DENND1A: variants seen among roughly 807,000 people sequenced by gnomAD.
DENND1A encodes the protein DENN domain-containing protein 1A.
A neutral mutation model predicts 113.7 loss-of-function variants in DENND1A; 51 were observed. The ratio of observed to expected loss-of-function variants is 0.45; its 90% CI spans 0.36 to 0.57. The LOEUF (loss-of-function observed/expected upper bound fraction) is 0.57. DENND1A is among the 20% of genes least tolerant of loss of function. The pLI, the probability that DENND1A is intolerant of heterozygous loss-of-function variation, is 0.00. For synonymous variants in DENND1A, 565 were observed against 570.8 expected (o/e 0.99, Z 0.14); for missense variants, 1,258 against 1,395.9 (o/e 0.90, Z 1.57).
In DENND1A at chr9:123,383,894, G is replaced by T. The variant is rs1379807215; in HGVS notation, c.1780C>A (p.Leu594Ile). 1 of 1,611,658 alleles carries T rather than the reference G, an allele frequency of 6.2e-7. No homozygotes were observed. Among genetic ancestry groups the T allele is most frequent in the East Asian group, 2.2e-5 (1 of 44,870 alleles). Residue 594 changes from leucine (L) to isoleucine (I), a missense_variant, in exon 23 of 24, where the codon CTC becomes ATC. Physicochemically the swap from Leu to Ile is conservative, Grantham distance 5. Around this residue, in one of 2 missense-constraint regions of DENND1A, gnomAD observed 1,159 missense variants for 1,231.7 expected, o/e 0.94. Transcript: ENST00000394215. ...PFEWPQPYRT[L>I]RESDSAEGDE... ...CCTTCCGCGCTGTCTGACTCCCTGA[G>T]TGTCCGATACGGCTGCGGCCTGTCG...
intron 4 of DENND1A, among the ~76,000 whole-genome samples, chr9:123,758,782 T>C (rs1158514532): frequency 2.0e-5 from 3 of 152,148 alleles, no homozygotes; most frequent in African/African-American, 7.2e-5. Flanking sequence ...ACAATACTAA[T>C]CAGATTACAG....
At position 123,833,048 on chromosome 9, in the gene DENND1A, C is replaced by G. The variant is rs1466846083; in HGVS notation, c.89-40418G>C. Among the ~76,000 whole-genome samples, 6 of 144,956 alleles carry G rather than the reference C, an allele frequency of 4.1e-5. No individual in the cohort carries two copies. The East Asian group carries it at 1.2e-3, about 29-fold the overall frequency. On this transcript the variant is annotated intron_variant, in intron 2 of 23. Transcript: ENST00000394215. ...GCTGAAGTAGGAGGGTCCTCTGAGC[C>G]CAGGAGTTTGAGGCTACAGTGTGCT...
intron 1 of DENND1A, among the ~76,000 whole-genome samples, chr9:123,884,560 C>T (rs1263441607): frequency 6.6e-6 from 1 of 152,110 alleles, no homozygotes; most frequent in African/African-American, 2.4e-5. Flanking sequence ...TACAATCCAG[C>T]CATATAGATC....
chr9:123,731,922 TAC>T (rs1379308559), intron 5 of DENND1A, among the ~76,000 whole-genome samples: 11 of 152,228 alleles, frequency 7.2e-5, no homozygotes, highest in African/African-American at 2.7e-4. Flanking sequence ...AAGATTTGAA[TAC>T]TTTACCAAAG....
chr9:123,477,843 C>A (rs2050038153), intron 13 of DENND1A, among the ~76,000 whole-genome samples: 1 of 152,066 alleles, frequency 6.6e-6, no homozygotes, highest in South Asian at 2.1e-4. Flanking sequence ...TGCTCGGGGA[C>A]TGCCTCAGTT....
intron 8 of DENND1A, among the ~76,000 whole-genome samples, chr9:123,665,450 A>T (rs1295904427): frequency 3.3e-5 from 5 of 152,154 alleles, no homozygotes; most frequent in Admixed American, 3.3e-4. Flanking sequence ...AGGATGCAAC[A>T]TTTTCTACCA....
chr9:123,442,410 C>G (rs1411113811), intron 18 of DENND1A, among the ~76,000 whole-genome samples: 1 of 151,952 alleles, frequency 6.6e-6, no homozygotes, highest in Non-Finnish European at 1.5e-5. Flanking sequence ...GTGCTCAGGT[C>G]AAGTGGAAAA....
intron 9 of DENND1A, among the ~76,000 whole-genome samples, chr9:123,638,138 G>A (rs781181049): frequency 5.3e-5 from 8 of 151,972 alleles, no homozygotes; most frequent in Non-Finnish European, 7.4e-5. Flanking sequence ...GTTATTAACC[G>A]GGGCAACAAG....
rs1232920307 is a variant in DENND1A at position 123,606,929 on chromosome 9, G to A, written c.765+2507C>T. Among the ~76,000 whole-genome samples the A allele has an allele frequency of 2.0e-5, 3 of 152,238 alleles. No individual in the cohort carries two copies. In the East Asian group the frequency reaches 5.8e-4, roughly 29 times the overall value. On this transcript the variant is annotated intron_variant, in intron 11 of 23. Transcript: ENST00000394215. ...AGGACTTCTTGGAAGAGGTGGAGAAGGGCAGGGCTGATGCATGCAGAGGGT... is the reference window on the plus strand; with the variant it reads ...AGGACTTCTTGGAAGAGGTGGAGAAAGGCAGGGCTGATGCATGCAGAGGGT...
chr9:123,692,369 C>T (rs75861185), intron 5 of DENND1A, among the ~76,000 whole-genome samples: 2,609 of 152,228 alleles, frequency 0.017, 36 homozygotes, highest in South Asian at 0.032. Flanking sequence ...TTTAAGATTG[C>T]GTCAATCACA....
In DENND1A at chr9:123,667,190, G is replaced by A. The variant is rs111753144; in HGVS notation, c.454-111C>T. 4.4e-5 allele frequency: 47 copies of A among 1,070,624 alleles called. 2 individuals carry two copies. The highest frequency in any genetic ancestry group is 4.0e-4 in the African/African-American group (24 of 59,766). The allele number at this position is 1,070,624 out of a possible 1,614,324, so 66.3% of individuals were successfully genotyped here. A position where few individuals can be genotyped will look rare whatever the true frequency, so the allele number is the denominator to read the frequency against. ...TATTTCCTTACTCAGAAAAGGAAAC[G>A]GTTTCACTCAGAAGAAACACCCATG... On this transcript the variant is annotated intron_variant, in intron 7 of 23. Transcript: ENST00000394215.
chr9:123,859,152 C>T (rs1844705693), intron 2 of DENND1A, among the ~76,000 whole-genome samples: 1 of 152,140 alleles, frequency 6.6e-6, no homozygotes, highest in African/African-American at 2.4e-5. Flanking sequence ...ATAAACCTGA[C>T]ATTTTCTTTA....
At chr9:123,590,052 A>G (rs1035903755) in intron 11 of DENND1A, among the ~76,000 whole-genome samples, 2 of 152,244 alleles carry the variant, frequency 1.3e-5, no homozygotes, top group Non-Finnish European at 2.9e-5. Flanking sequence ...AAGATTCAGC[A>G]TAATTCCCAG....
intron 8 of DENND1A, among the ~76,000 whole-genome samples, chr9:123,666,233 AG>A (rs1188112260): frequency 6.6e-6 from 1 of 152,262 alleles, no homozygotes; most frequent in East Asian, 1.9e-4. Flanking sequence ...ATTTTAAAAA[AG>A]TAATCAAGTG....
Position 123,846,963 on chromosome 9 carries a change from CTT to C in DENND1A, c.88+31986_88+31987del, listed in dbSNP as rs755930396. 4.6e-5 allele frequency among the ~76,000 whole-genome samples: 7 copies of C among 152,120 alleles called. 1 individual carries two copies. Among genetic ancestry groups the C allele is most frequent in the Non-Finnish European group, 8.8e-5 (6 of 68,032 alleles). ...TATGGTTTGTGAATATCTCAAGAAA[CTT>C]ATTAAAAATAATTAAAATTAAACAC... On this transcript the variant is annotated intron_variant, in intron 2 of 23. Transcript: ENST00000394215.
intron 10 of DENND1A, among the ~76,000 whole-genome samples, chr9:123,616,263 G>A (rs2060645181): frequency 6.6e-6 from 1 of 152,186 alleles, no homozygotes; most frequent in Admixed American, 6.5e-5. Context: ...TCTCAAAAAC[G>A]TGCCTATGGG....
At chr9:123,591,283 T>C (rs1313535007) in intron 11 of DENND1A, among the ~76,000 whole-genome samples, 1 of 152,164 alleles carries the variant, frequency 6.6e-6, no homozygotes, top group Non-Finnish European at 1.5e-5. Flanking sequence ...CGGGGGAGTG[T>C]CCTACCTGTC....
intron 1 of DENND1A, among the ~76,000 whole-genome samples, chr9:123,904,148 T>C (rs1231349660): frequency 6.6e-6 from 1 of 152,072 alleles, no homozygotes. Flanking sequence ...CCAACAGACC[T>C]GCAGCTGAGG....
intron 13 of DENND1A, chr9:123,485,654 G>GCACACACACACACA (rs1554837452): frequency 6.8e-5 from 3 of 44,170 alleles, no homozygotes; most frequent in Non-Finnish European, 1.7e-4. Context: ...ACGCGCGCGC[G>GCACACACACACACA]CGCACACACA....
Sources: gnomAD v4.1 joint callset for allele counts (sites outside exome capture counted in the v4.1 genomes callset) on GRCh38, gnomAD v4.1.1 for gene constraint, gnomAD v4.1.1 regional missense constraint, MANE v1.5 for transcripts, NCBI Gene and HGNC (gene_info 2026-07-23, HGNC 2026-07-21) for gene names.